Variants in NRDE2 observed in about 807,000 individuals in gnomAD.
NRDE2 encodes nuclear exosome regulator NRDE2.
Under a neutral mutation model 124.2 loss-of-function variants are expected in NRDE2, and 76 were observed. That is an observed-to-expected ratio of 0.61 (90% confidence interval 0.51 to 0.74). The LOEUF is 0.74. NRDE2 is among the 30% of genes least tolerant of loss of function. The probability of loss-of-function intolerance (pLI) is 0.00; values close to 1 mark genes in which losing one functional copy is unlikely to be tolerated. For synonymous variants in NRDE2, 489 were observed against 528.1 expected, an observed-to-expected ratio of 0.93 and a Z score of 1.01; for missense variants, 1,314 against 1,417.3, an observed-to-expected ratio of 0.93 and a Z score of 1.17.
chr14:90,311,992 T>C (rs766783696), intron 4 of NRDE2, among the ~76,000 whole-genome samples: 1 of 152,222 alleles, frequency 6.6e-6, no homozygotes, highest in African/African-American at 2.4e-5. Flanking sequence ...TACCACTAAA[T>C]GTCATTTTTT....
In NRDE2 at chr14:90,278,508, T is replaced by C. The variant is rs191562667; in HGVS notation, c.3370-47A>G. 414 of 1,609,178 alleles carry C rather than the reference T, an allele frequency of 2.6e-4. 1 individual carries two copies. In the African/African-American group the frequency reaches 5.1e-3, roughly 20 times the overall value. ...CGCCCCACTCAGCCGCCACTTCCTG[T>C]CAGCCTGGAGGAGCTCAGGAAGCAA... On this transcript the variant is annotated intron_variant, in intron 13 of 13. Transcript: ENST00000354366.
intron 4 of NRDE2, among the ~76,000 whole-genome samples, chr14:90,309,608 G>GA (rs1884754331): frequency 6.6e-6 from 1 of 152,148 alleles, no homozygotes; most frequent in South Asian, 2.1e-4. Context: ...CCATCTGGGG[G>GA]AGACAGATTC....
In NRDE2 at chr14:90,274,071, TCTGC is replaced by T. The variant is rs1265694900; in HGVS notation, c.*4261_*4264del. ...GTGTGGCCATCTTTAGGGGCGCCAC[TCTGC>T]CTACCACAGAGGACATCCACACGTG... On this transcript the variant is annotated 3_prime_UTR_variant, in exon 14 of 14. Transcript: ENST00000354366. The T allele has an allele frequency of 3.9e-5, 6 of 154,884 alleles. No individual in the cohort carries two copies. Among genetic ancestry groups the T allele is most frequent in the African/African-American group, 1.4e-4 (6 of 41,520 alleles). The allele number at this position is 154,884 out of a possible 1,614,324, so 9.6% of individuals were successfully genotyped here.
intron 10 of NRDE2, 107 bp from the exon 11 acceptor site, chr14:90,289,252 C>A: frequency 1.1e-6 from 1 of 872,898 alleles, no homozygotes; most frequent in Non-Finnish European, 1.8e-6. Flanking sequence ...ACGCTTCCTC[C>A]CTTTATCACG....
At position 90,312,401 on chromosome 14, in the gene NRDE2, T is replaced by C. The variant is rs373453909; in HGVS notation, c.550A>G (p.Ile184Val). ...WEYKSLYRGDIARYKRKGDSC... is the reference protein window; with the variant it reads ...WEYKSLYRGDVARYKRKGDSC... ...GGAAAACAAGGTGACTACCTTGCTA[T>C]ATCCCCTCGGTAGAGAGACTTGTAC... is the stretch of plus-strand genomic sequence containing the variant. Residue 184 changes from isoleucine (I) to valine (V), a missense_variant, in exon 4 of 14, where the codon ATA becomes GTA. Transcript: ENST00000354366. 13 of 1,613,678 alleles carry C rather than the reference T, an allele frequency of 8.1e-6. No individual in the cohort carries two copies. In the African/African-American group the frequency reaches 1.1e-4, roughly 13 times the overall value.
At chr14:90,300,149 G>T (rs572917429) in intron 7 of NRDE2, among the ~76,000 whole-genome samples, 1 of 152,270 alleles carries the variant, frequency 6.6e-6, no homozygotes, top group South Asian at 2.1e-4. Flanking sequence ...GAGGGTCTTA[G>T]GAAAGGGGCA....
At chr14:90,290,697 TCAA>T in intron 9 of NRDE2, 90 bp from the exon 10 acceptor site, 2 of 1,328,572 alleles carry the variant, frequency 1.5e-6, no homozygotes, top group Non-Finnish European at 2.0e-6. Flanking sequence ...TACTAATGGT[TCAA>T]CATTATTCAA....
At chr14:90,295,464 T>G (rs929197198) in intron 8 of NRDE2, among the ~76,000 whole-genome samples, 26 of 152,168 alleles carry the variant, frequency 1.7e-4, no homozygotes, top group African/African-American at 6.3e-4. Flanking sequence ...CTTCTAAAGA[T>G]CTATGTTTAA....
At chr14:90,313,130 T>C (rs1041911107) in intron 3 of NRDE2, among the ~76,000 whole-genome samples, 1 of 146,694 alleles carries the variant, frequency 6.8e-6, no homozygotes, top group African/African-American at 2.5e-5. Flanking sequence ...TTTTTTTTTT[T>C]TTTTTTTTTT....
chr14:90,297,660 G>A (rs901122303), intron 8 of NRDE2, among the ~76,000 whole-genome samples: 1 of 152,126 alleles, frequency 6.6e-6, no homozygotes, highest in Non-Finnish European at 1.5e-5. Flanking sequence ...GGGGTCGGGC[G>A]TGGTGGCTCA....
At chr14:90,287,509 T>G in intron 11 of NRDE2, among the ~76,000 whole-genome samples, 1 of 152,020 alleles carries the variant, frequency 6.6e-6, no homozygotes, top group East Asian at 1.9e-4. Context: ...TAGTCCCAGC[T>G]ACCGGGGAGA....
rs766936764 is a variant in NRDE2, at chr14:90,288,842, G to A, written c.2533C>T (p.Arg845Ter). 5.0e-6 allele frequency: 8 copies of A among 1,614,088 alleles called. No homozygotes were observed. In the East Asian group the frequency reaches 6.7e-5, roughly 13 times the overall value. Residue 845 changes from arginine (R) to a stop codon, truncating the protein, a stop_gained, in exon 11 of 14, where the codon CGA becomes TGA. Transcript: ENST00000354366. LOFTEE classifies it high-confidence loss of function. ...AGCTTGGTTAATATGTGAACAGCTC[G>A]AGCTGTGGCAGCCCTTCTCACTTCT... ...SPEVRRAATA[R>*]AVHILTKLTE...
At chr14:90,306,386 G>C (rs962118051) in intron 4 of NRDE2, among the ~76,000 whole-genome samples, 1 of 152,170 alleles carries the variant, frequency 6.6e-6, no homozygotes, top group Admixed American at 6.6e-5. Flanking sequence ...TTCTCACACA[G>C]ACATAAATAT....
intron 3 of NRDE2, among the ~76,000 whole-genome samples, chr14:90,315,788 T>A (rs914447842): frequency 1.3e-5 from 2 of 151,428 alleles, no homozygotes; most frequent in African/African-American, 4.9e-5. Context: ...AAATGCCATC[T>A]CTACTAAAAA....
At chr14:90,320,496 A>G (rs1885204108) in intron 1 of NRDE2, among the ~76,000 whole-genome samples, 2 of 152,226 alleles carry the variant, frequency 1.3e-5, no homozygotes, top group Non-Finnish European at 2.9e-5. Flanking sequence ...AGGGATTACA[A>G]TTCAAGATGA....
chr14:90,272,388 C>T lies in NRDE2; in HGVS notation c.*5948G>A. ...CTTTATAAGAAACAGGAAGGCACCC[C>T]TGAGGGGCTGTATCTCTAATGAACC... On this transcript the variant is annotated 3_prime_UTR_variant, in exon 14 of 14. Coordinates refer to ENST00000354366, the MANE Select transcript of NRDE2 (RefSeq NM_017970.4). This position sits in a 1 kb window ranked among gnomAD's most constrained non-coding sequence, Gnocchi z 4.5. 2 of 1,565,352 alleles carry T rather than the reference C, an allele frequency of 1.3e-6. No homozygotes were observed. The highest frequency in any genetic ancestry group is 8.7e-7 in the Non-Finnish European group (1 of 1,153,494).
In NRDE2 at chr14:90,288,357, C is replaced by T. The variant is rs1401767242; in HGVS notation, c.3018G>A (p.Gln1006=). The T allele has an allele frequency of 2.7e-5, 44 of 1,614,032 alleles. No individual in the cohort carries two copies. Among genetic ancestry groups the T allele is most frequent in the Non-Finnish European group, 3.6e-5 (43 of 1,180,032 alleles). Reference sequence around the variant, plus strand: ...TGGCACTGTGGGACTTATTCTGAATCTGTACATAGGACCTCCAAAGAACCT... The same window carrying T: ...TGGCACTGTGGGACTTATTCTGAATTTGTACATAGGACCTCCAAAGAACCT... ...GNQVLWRSYV[Q]IQNKSHSASK... is the part of the protein sequence containing the mutation. The change falls in exon 11 of 14, where the codon CAG becomes CAA. Residue 1006 remains glutamine (Q), a synonymous_variant. Transcript: ENST00000354366.
intron 12 of NRDE2, among the ~76,000 whole-genome samples, chr14:90,283,204 T>C (rs1441120481): frequency 1.3e-5 from 2 of 152,202 alleles, no homozygotes; most frequent in Non-Finnish European, 2.9e-5. Context: ...CCTCAGGAAC[T>C]GCTAGGGGCA....
chr14:90,317,543 C>T (rs1399546896), intron 2 of NRDE2, among the ~76,000 whole-genome samples: 3 of 152,166 alleles, frequency 2.0e-5, no homozygotes, highest in African/African-American at 7.2e-5. Context: ...ATTTGTAAGA[C>T]AGCTTATTTC....
Sources: gnomAD v4.1 joint callset for allele counts (sites outside exome capture counted in the v4.1 genomes callset) on GRCh38, gnomAD v4.1.1 for gene constraint, Gnocchi (gnomAD v3.1) non-coding constraint, MANE v1.5 for transcripts, NCBI Gene and HGNC (gene_info 2026-07-23, HGNC 2026-07-21) for gene names.